MAP3K3: variants seen among roughly 807,000 people sequenced by gnomAD.
MAP3K3 encodes mitogen-activated protein kinase kinase kinase 3.
MAP3K3 carries 12 observed loss-of-function variants against 80.9 expected under a neutral mutation model. The observed-to-expected ratio is 0.15, with a 90% CI of 0.10 to 0.24. The LOEUF (loss-of-function observed/expected upper bound fraction) is 0.24, where lower values mean the gene tolerates loss of function less well. Ranked by LOEUF, MAP3K3 falls within the 10% of genes least tolerant of loss-of-function variation. The pLI, the probability that MAP3K3 is intolerant of heterozygous loss-of-function variation, is 1.00. For synonymous variants in MAP3K3, 272 were observed against 307.1 expected (o/e 0.89, Z 1.19); for missense variants, 596 against 834.7 (o/e 0.71, Z 3.52).
intron 7 of MAP3K3, among the ~76,000 whole-genome samples, chr17:63,683,984 C>T (rs935068713): frequency 2.6e-5 from 4 of 151,900 alleles, no homozygotes; most frequent in African/African-American, 9.7e-5. Flanking sequence ...TAGCAAAACC[C>T]TGTCTCTACA....
intron 6 of MAP3K3, among the ~76,000 whole-genome samples, chr17:63,667,818 G>T (rs2143467033): frequency 6.6e-6 from 1 of 151,946 alleles, no homozygotes; most frequent in South Asian, 2.1e-4. Context: ...ATCTGTGGTT[G>T]GTTGAATCCA....
rs759162560 is a variant in MAP3K3, at chr17:63,694,135, C to T, written c.*358C>T. 1.8e-5 allele frequency: 4 copies of T among 222,848 alleles called. No individual in the cohort carries two copies. Among genetic ancestry groups the T allele is most frequent in the East Asian group, 1.0e-4 (1 of 9,760 alleles). The allele number at this position is 222,848 out of a possible 1,614,324, so 13.8% of individuals were successfully genotyped here. A position where few individuals can be genotyped will look rare whatever the true frequency, so the allele number is the denominator to read the frequency against. On this transcript the variant is annotated 3_prime_UTR_variant, in exon 16 of 16. Coordinates refer to ENST00000361733, the MANE Select transcript of MAP3K3 (RefSeq NM_002401.5). ...AGAGGGTCTGGGGGCACAAGACTGA[C>T]GCCAGGGTATGAAGAGTGTTATTTT...
At position 63,657,793 on chromosome 17, in the gene MAP3K3, G is replaced by C; in HGVS notation, c.268-1G>C. Reference sequence around the variant, plus strand: ...TTCCTTTTCTATGTCTTGTATCACAGCTCTCCATCCTGCTGAAAAACCAAG... The same window carrying C: ...TTCCTTTTCTATGTCTTGTATCACACCTCTCCATCCTGCTGAAAAACCAAG... On this transcript the variant is annotated splice_acceptor_variant, in intron 4 of 15. Coordinates refer to ENST00000361733, the MANE Select transcript of MAP3K3 (RefSeq NM_002401.5). LOFTEE classifies it high-confidence loss of function. 7.0e-7 allele frequency: 1 copy of C among 1,438,110 alleles called. No individual in the cohort carries two copies. The highest frequency in any genetic ancestry group is 9.8e-7 in the Non-Finnish European group (1 of 1,025,334). The allele number at this position is 1,438,110 out of a possible 1,614,324, so 89.1% of individuals were successfully genotyped here. A position where few individuals can be genotyped will look rare whatever the true frequency, so the allele number is the denominator to read the frequency against.
chr17:63,688,737 A>G, intron 9 of MAP3K3, 52 bp from the exon 10 acceptor site: 1 of 1,444,642 alleles, frequency 6.9e-7, no homozygotes, highest in South Asian at 1.1e-5. Flanking sequence ...TGGGGGCTTA[A>G]GTGGCTCACA....
At chr17:63,661,077 T>C (rs981136166) in intron 5 of MAP3K3, among the ~76,000 whole-genome samples, 5 of 152,146 alleles carry the variant, frequency 3.3e-5, no homozygotes, top group African/African-American at 1.2e-4. Flanking sequence ...TTTTTTTATT[T>C]TGAGGCACAG....
chr17:63,673,907 AAAAAAAT>A (rs2035162163), intron 6 of MAP3K3, among the ~76,000 whole-genome samples: 1 of 151,972 alleles, frequency 6.6e-6, no homozygotes, highest in African/African-American at 2.4e-5. Flanking sequence ...GGTCTGTCTC[AAAAAAAT>A]AAAAAATAAA....
At chr17:63,652,435 T>C (rs1393700985) in intron 3 of MAP3K3, 122 bp from the exon 4 acceptor site, 4 of 669,768 alleles carry the variant, frequency 6.0e-6, no homozygotes, top group Non-Finnish European at 1.0e-5. Flanking sequence ...AAAAGGCAAA[T>C]TGAGTGAAAG....
At chr17:63,658,098 A>G (rs1215088976) in intron 5 of MAP3K3, among the ~76,000 whole-genome samples, 191 bp downstream of exon 5, 2 of 152,236 alleles carry the variant, frequency 1.3e-5, no homozygotes, top group African/African-American at 2.4e-5. Flanking sequence ...CCAGATTGTC[A>G]GTGTTAACAT....
At chr17:63,676,230 T>C (rs2035216415) in intron 6 of MAP3K3, among the ~76,000 whole-genome samples, 1 of 152,184 alleles carries the variant, frequency 6.6e-6, no homozygotes, top group African/African-American at 2.4e-5. Flanking sequence ...AAATAAAAGC[T>C]CAGAAAACCT....
chr17:63,675,906 C>T (rs907250000), intron 6 of MAP3K3, among the ~76,000 whole-genome samples: 7 of 152,238 alleles, frequency 4.6e-5, no homozygotes, highest in South Asian at 4.1e-4. Context: ...CTGGTAAATA[C>T]GTAGTTTTAT....
At chr17:63,642,141 G>A (rs1474674735) in intron 2 of MAP3K3, among the ~76,000 whole-genome samples, 1 of 152,198 alleles carries the variant, frequency 6.6e-6, no homozygotes, top group African/African-American at 2.4e-5. Flanking sequence ...AGCTTGTAAG[G>A]CTGTCATGGC....
chr17:63,689,722 T>C lies in MAP3K3; in HGVS notation c.1050T>C (p.Asn350=). 6.2e-7 allele frequency: 1 copy of C among 1,612,902 alleles called. No homozygotes were observed. The highest frequency in any genetic ancestry group is 8.5e-7 in the Non-Finnish European group (1 of 1,179,278). The stretch of plus-strand genomic sequence containing the variant: ...ATGCCCTCTCTGTGCAGGAGAGGAA[T>C]GTGCCAACCAAGTGTGAGGAGCTGT... ...SENALSVQER[N]VPTKSPSAPI... The change falls in exon 11 of 16, where the codon AAT becomes AAC. Residue 350 remains asparagine, a synonymous_variant. Transcript: ENST00000361733. This position sits in a 1 kb window ranked among gnomAD's most constrained non-coding sequence, Gnocchi z 4.3.
intron 5 of MAP3K3, among the ~76,000 whole-genome samples, chr17:63,659,548 T>C (rs2034842393): frequency 6.7e-6 from 1 of 148,276 alleles, no homozygotes; most frequent in Non-Finnish European, 1.5e-5. Flanking sequence ...TTTTTTTTTT[T>C]TGGAGATGGA....
chr17:63,648,319 G>T lies in MAP3K3; in HGVS notation c.167+2245G>T, dbSNP rs559283401. ...TTTCAATAGTGTGCTAGGGACATCT[G>T]AGTGGACTTCTGGTATTTTATCCAG... is the stretch of plus-strand genomic sequence containing the variant. On this transcript the variant is annotated intron_variant, in intron 3 of 15. Coordinates refer to ENST00000361733, the MANE Select transcript of MAP3K3 (RefSeq NM_002401.5). 1.2e-4 allele frequency among the ~76,000 whole-genome samples: 18 copies of T among 152,294 alleles called. No homozygotes were observed. In the South Asian group the frequency reaches 3.7e-3, roughly 32 times the overall value.
intron 8 of MAP3K3, chr17:63,688,320 C>T (rs1338489047): frequency 3.3e-6 from 2 of 603,962 alleles, no homozygotes; most frequent in African/African-American, 3.7e-5. Context: ...AGATTTACCA[C>T]TCAGGGTGCT....
intron 6 of MAP3K3, among the ~76,000 whole-genome samples, chr17:63,674,636 C>T (rs1484084965): frequency 1.3e-5 from 2 of 151,972 alleles, no homozygotes; most frequent in Admixed American, 6.6e-5. Flanking sequence ...TAGGTATGAG[C>T]CACCATGCCC....
chr17:63,640,283 C>T (rs1843443906), intron 2 of MAP3K3, among the ~76,000 whole-genome samples: 1 of 152,048 alleles, frequency 6.6e-6, no homozygotes, highest in Admixed American at 6.6e-5. Context: ...ATAGCGAGAC[C>T]CCATCTCTGA....
intron 2 of MAP3K3, among the ~76,000 whole-genome samples, chr17:63,633,991 C>T (rs2034268960): frequency 6.6e-6 from 1 of 152,124 alleles, no homozygotes; most frequent in Non-Finnish European, 1.5e-5. Context: ...CTTTAGGAAT[C>T]CTAGGGACCC....
At chr17:63,657,274 C>T (rs2034790049) in intron 4 of MAP3K3, among the ~76,000 whole-genome samples, 1 of 152,066 alleles carries the variant, frequency 6.6e-6, no homozygotes, top group Non-Finnish European at 1.5e-5. Flanking sequence ...GGAGAGGCAG[C>T]TCTTCTCAGA....
Sources: allele counts gnomAD v4.1 joint callset (sites outside exome capture counted in the v4.1 genomes callset), GRCh38; gene constraint gnomAD v4.1.1; non-coding constraint Gnocchi (gnomAD v3.1); transcripts MANE v1.5; gene names NCBI Gene and HGNC (gene_info 2026-07-23, HGNC 2026-07-21).